YY1: variants seen among roughly 807,000 people sequenced by gnomAD.
YY1 encodes YY1 transcription factor.
A neutral mutation model predicts 35.6 loss-of-function variants in YY1; 2 were observed. The ratio of observed to expected loss-of-function variants is 0.06; its 90% CI spans 0.02 to 0.18. The LOEUF is 0.18. YY1 is among the 10% of genes least tolerant of loss of function. YY1 has a pLI of 1.00. For synonymous variants in YY1, 268 were observed against 238.9 expected (o/e 1.12, Z -1.12); for missense variants, 322 against 573.4 (o/e 0.56, Z 4.48).
chr14:100,245,841 A>T (rs1372906165), intron 1 of YY1, among the ~76,000 whole-genome samples: 5 of 152,058 alleles, frequency 3.3e-5, no homozygotes, highest in Non-Finnish European at 5.9e-5. Flanking sequence ...TCCTGACTTC[A>T]GGTGATCCAC....
intron 2 of YY1, among the ~76,000 whole-genome samples, chr14:100,266,700 G>A (rs1404110399): frequency 1.3e-5 from 2 of 152,186 alleles, no homozygotes; most frequent in African/African-American, 2.4e-5. Context: ...AGGCCATCAA[G>A]TGGAAAGAAT....
chr14:100,251,895 T>C (rs1403086074), intron 1 of YY1, among the ~76,000 whole-genome samples: 1 of 152,180 alleles, frequency 6.6e-6, no homozygotes, highest in Non-Finnish European at 1.5e-5. Context: ...CCCAAAGTGC[T>C]GGGATTACAG....
chr14:100,282,541 C>A lies in YY1; in HGVS notation c.*4941C>A, dbSNP rs968804731. On this transcript the variant is annotated 3_prime_UTR_variant, in exon 5 of 5. Coordinates refer to ENST00000262238, the MANE Select transcript of YY1 (RefSeq NM_003403.5). Reference sequence around the variant, plus strand: ...TTCGCTTTCTGGTAACTTCTGTAGGCCCTGGCTCAAGGACTTAGCATTTCG... The same window carrying A: ...TTCGCTTTCTGGTAACTTCTGTAGGACCTGGCTCAAGGACTTAGCATTTCG... 1 of 152,154 alleles carries A rather than the reference C, an allele frequency of 6.6e-6. No homozygotes were observed. Among genetic ancestry groups the A allele is most frequent in the Non-Finnish European group, 1.5e-5 (1 of 68,032 alleles). The allele number at this position is 152,154 out of a possible 1,614,324, so 9.4% of individuals were successfully genotyped here.
At chr14:100,245,864 C>T (rs576861402) in intron 1 of YY1, among the ~76,000 whole-genome samples, 15 of 152,258 alleles carry the variant, frequency 9.9e-5, no homozygotes, top group African/African-American at 3.6e-4. Context: ...ACCCCAGCCT[C>T]CCAAAGTGCT....
chr14:100,277,219 G>T lies in YY1; in HGVS notation c.1063-199G>T, dbSNP rs778649407. ...TTTTGCCAAGTGTTTTAAACAGTTCGTGAGGGCTCTCCTTGGGTTTTCGGG... is the reference window on the plus strand; with the variant it reads ...TTTTGCCAAGTGTTTTAAACAGTTCTTGAGGGCTCTCCTTGGGTTTTCGGG... On this transcript the variant is annotated intron_variant, in intron 4 of 4. Transcript: ENST00000262238. The surrounding 1 kb of genome is among the most constrained non-coding windows in gnomAD (Gnocchi z 5.6). The T allele has an allele frequency of 3.0e-6, 2 of 671,266 alleles. No individual in the cohort carries two copies. The highest frequency in any genetic ancestry group is 2.6e-6 in the Non-Finnish European group (1 of 381,522). 41.6% of individuals were successfully genotyped at this position (671,266 alleles called of 1,614,324 possible).
intron 1 of YY1, among the ~76,000 whole-genome samples, chr14:100,248,225 C>T (rs1372356779): frequency 1.3e-5 from 2 of 150,454 alleles, no homozygotes; most frequent in Admixed American, 1.3e-4. Flanking sequence ...ATACCATTCT[C>T]CTGCCTCAGC....
chr14:100,246,243 C>A (rs1410472742), intron 1 of YY1, among the ~76,000 whole-genome samples: 1 of 152,232 alleles, frequency 6.6e-6, no homozygotes, highest in African/African-American at 2.4e-5. Context: ...CATGTGCATA[C>A]TGCCTGCCCA....
Position 100,279,056 on chromosome 14 carries a change from C to T in YY1, c.*1456C>T, listed in dbSNP as rs1185263287. The T allele has an allele frequency of 6.6e-6, 1 of 152,192 alleles. No individual in the cohort carries two copies. Among genetic ancestry groups the T allele is most frequent in the Non-Finnish European group, 1.5e-5 (1 of 68,036 alleles). The allele number at this position is 152,192 out of a possible 1,614,324, so 9.4% of individuals were successfully genotyped here. On this transcript the variant is annotated 3_prime_UTR_variant, in exon 5 of 5. Coordinates refer to ENST00000262238, the MANE Select transcript of YY1 (RefSeq NM_003403.5). Reference sequence around the variant, plus strand: ...TTCTAAATGGACACTGGGTGCAAATCGGCAAGGTGATTAGATTATTAGAAA... The same window carrying T: ...TTCTAAATGGACACTGGGTGCAAATTGGCAAGGTGATTAGATTATTAGAAA...
Position 100,280,010 on chromosome 14 carries a change from C to G in YY1, c.*2410C>G, listed in dbSNP as rs1891390600. On this transcript the variant is annotated 3_prime_UTR_variant, in exon 5 of 5. Transcript: ENST00000262238. Reference sequence around the variant, plus strand: ...CTGAAATAGTCATCACTCCCCTTGACTCTCTCTGTTCACGTCTTCTCAGTC... The same window carrying G: ...CTGAAATAGTCATCACTCCCCTTGAGTCTCTCTGTTCACGTCTTCTCAGTC... 1 of 152,280 alleles carries G rather than the reference C, an allele frequency of 6.6e-6. No individual in the cohort carries two copies. Among genetic ancestry groups the G allele is most frequent in the Non-Finnish European group, 1.5e-5 (1 of 68,066 alleles). The allele number at this position is 152,280 out of a possible 1,614,324, so 9.4% of individuals were successfully genotyped here.
In YY1 at chr14:100,275,303, A is replaced by G. The variant is rs144551931; in HGVS notation, c.903+545A>G. Among the ~76,000 whole-genome samples the G allele has an allele frequency of 6.6e-5, 10 of 152,370 alleles. No homozygotes were observed. In the East Asian group the frequency reaches 1.7e-3, roughly 26 times the overall value. ...GACTAACAGAAAAATCAAGTATCAC[A>G]TAGGTACAGAGAACAAAGTAGGAGA... On this transcript the variant is annotated intron_variant, in intron 3 of 4. Transcript: ENST00000262238.
chr14:100,260,499 G>A lies in YY1; in HGVS notation c.680-1805G>A, dbSNP rs981265767. On this transcript the variant is annotated intron_variant, in intron 1 of 4. Transcript: ENST00000262238. ...TTTTTTTTTTCTTTTTTGAGACAGA[G>A]TCTCGCTCTGTCACCCAGGCTGGAG... 4.1e-5 allele frequency among the ~76,000 whole-genome samples: 6 copies of A among 145,740 alleles called. No individual in the cohort carries two copies. In the South Asian group the frequency reaches 1.1e-3, roughly 26 times the overall value.
chr14:100,247,349 G>A (rs1202783859), intron 1 of YY1, among the ~76,000 whole-genome samples: 1 of 151,808 alleles, frequency 6.6e-6, no homozygotes, highest in Non-Finnish European at 1.5e-5. Flanking sequence ...ACTTCCAATA[G>A]GAAGAGTAAG....
Position 100,276,698 on chromosome 14 carries a change from T to C in YY1, c.1062+50T>C. 6.2e-7 allele frequency: 1 copy of C among 1,612,906 alleles called. No homozygotes were observed. Among genetic ancestry groups the C allele is most frequent in the Non-Finnish European group, 8.5e-7 (1 of 1,179,598 alleles). On this transcript the variant is annotated intron_variant, in intron 4 of 4. Transcript: ENST00000262238. This position sits in a 1 kb window ranked among gnomAD's most constrained non-coding sequence, Gnocchi z 4.1. ...CACACTGCCTTGCCTGTCTGAACAC[T>C]GCAAGTGTAGGTGGTGTGGTGATGA... is the stretch of plus-strand genomic sequence containing the variant.
intron 1 of YY1, among the ~76,000 whole-genome samples, chr14:100,243,459 C>T (rs189030146): frequency 6.6e-6 from 1 of 152,160 alleles, no homozygotes; most frequent in African/African-American, 2.4e-5. Context: ...GGGTATTCCC[C>T]GAGGGTCTAG....
In YY1 at chr14:100,246,445, G is replaced by A. The variant is rs542656049; in HGVS notation, c.679+6522G>A. Reference sequence around the variant, plus strand: ...AGGTTGGCCTCATGCTCCGGGTAGAGAACCCTTGTTTGGACCTTGTGGGGA... The same window carrying A: ...AGGTTGGCCTCATGCTCCGGGTAGAAAACCCTTGTTTGGACCTTGTGGGGA... On this transcript the variant is annotated intron_variant, in intron 1 of 4. Transcript: ENST00000262238. Among the ~76,000 whole-genome samples, 90 of 152,222 alleles carry A rather than the reference G, an allele frequency of 5.9e-4. 1 individual carries two copies. Among genetic ancestry groups the A allele is most frequent in the Non-Finnish European group, 1.2e-3 (83 of 68,040 alleles).
intron 1 of YY1, among the ~76,000 whole-genome samples, chr14:100,258,005 G>C (rs896555141): frequency 6.6e-6 from 1 of 152,056 alleles, no homozygotes; most frequent in Non-Finnish European, 1.5e-5. Flanking sequence ...GGTGGTGCCC[G>C]TCTGTGGTCC....
chr14:100,259,435 A>T (rs945005286), intron 1 of YY1, among the ~76,000 whole-genome samples: 1 of 151,974 alleles, frequency 6.6e-6, no homozygotes, highest in Admixed American at 6.6e-5. Context: ...CAGGAGAATC[A>T]CTTGAACCTG....
At chr14:100,245,315 G>A (rs763421205) in intron 1 of YY1, among the ~76,000 whole-genome samples, 11 of 152,158 alleles carry the variant, frequency 7.2e-5, no homozygotes, top group Admixed American at 2.0e-4. Context: ...TTTTTTAGTT[G>A]TTGCTTTTTA....
At position 100,277,744 on chromosome 14, in the gene YY1, A is replaced by G; in HGVS notation, c.*144A>G. ...ACACCTAAGGGACATGTTTTGATAA[A>G]GTAGTAAAAATTAAAAAAAAAAAAC... On this transcript the variant is annotated 3_prime_UTR_variant, in exon 5 of 5. Coordinates refer to ENST00000262238, the MANE Select transcript of YY1 (RefSeq NM_003403.5). The surrounding 1 kb of genome is among the most constrained non-coding windows in gnomAD (Gnocchi z 5.6). 1 of 927,920 alleles carries G rather than the reference A, an allele frequency of 1.1e-6. No homozygotes were observed. Among genetic ancestry groups the G allele is most frequent in the South Asian group, 1.6e-5 (1 of 62,158 alleles). The allele number at this position is 927,920 out of a possible 1,614,324, so 57.5% of individuals were successfully genotyped here.
Sources: gnomAD v4.1 joint callset for allele counts (sites outside exome capture counted in the v4.1 genomes callset) on GRCh38, gnomAD v4.1.1 for gene constraint, Gnocchi (gnomAD v3.1) non-coding constraint, MANE v1.5 for transcripts, NCBI Gene and HGNC (gene_info 2026-07-23, HGNC 2026-07-21) for gene names.